Variants in SMARCA2 observed in about 807,000 individuals in gnomAD.
SMARCA2 encodes the protein SWI/SNF related BAF chromatin remodeling complex subunit ATPase 2, also known as SWI/SNF-related matrix-associated actin-dependent regulator of chromatin subfamily A member 2.
In SMARCA2, 61 loss-of-function variants were observed where a neutral mutation model predicts 199.8. The observed-to-expected ratio is 0.31, with a 90% confidence interval of 0.25 to 0.38. The LOEUF is 0.38. Among genes scored for constraint, SMARCA2 ranks in the 10% least tolerant of loss-of-function variants. The pLI is 1.00. For synonymous variants in SMARCA2, 935 were observed against 732.0 expected (o/e 1.28, Z -4.48); for missense variants, 1,344 against 2,012.2 (o/e 0.67, Z 6.35).
At chr9:2,164,011 C>T (rs1825817808) in intron 28 of SMARCA2, among the ~76,000 whole-genome samples, 1 of 152,134 alleles carries the variant, frequency 6.6e-6, no homozygotes, top group South Asian at 2.1e-4. Flanking sequence ...CTTTGCCCAG[C>T]TCTCCCTAAG....
chr9:2,159,266 G>T (rs990240446), intron 27 of SMARCA2, among the ~76,000 whole-genome samples: 1 of 152,118 alleles, frequency 6.6e-6, no homozygotes, highest in East Asian at 1.9e-4. Flanking sequence ...AAATTTTACA[G>T]CATGAAACTG....
At chr9:2,073,163 G>C (rs767567700) in intron 10 of SMARCA2, 49 bp from the exon 11 acceptor site, 2 of 1,609,968 alleles carry the variant, frequency 1.2e-6, no homozygotes, top group South Asian at 1.1e-5. Flanking sequence ...TACAGGACTG[G>C]GGGAAGGTCT....
intron 5 of SMARCA2, among the ~76,000 whole-genome samples, chr9:2,052,454 C>T (rs753970677): frequency 2.0e-5 from 3 of 152,066 alleles, no homozygotes; most frequent in Non-Finnish European, 4.4e-5. Flanking sequence ...CCAGCCTGGC[C>T]GACAGAGCGA....
chr9:2,180,535 G>T (rs1390742754), intron 29 of SMARCA2, among the ~76,000 whole-genome samples: 1 of 152,160 alleles, frequency 6.6e-6, no homozygotes, highest in African/African-American at 2.4e-5. Context: ...TTTTATGGCA[G>T]TGATTTATGA....
chr9:2,186,785 C>T (rs1045984150), intron 32 of SMARCA2, among the ~76,000 whole-genome samples: 1 of 152,262 alleles, frequency 6.6e-6, no homozygotes, highest in Non-Finnish European at 1.5e-5. Flanking sequence ...CTCGGCCTCC[C>T]AAAGTGCTGG....
chr9:2,152,560 T>C (rs1260227005), intron 27 of SMARCA2, among the ~76,000 whole-genome samples: 1 of 122,530 alleles, frequency 8.2e-6, no homozygotes, highest in Non-Finnish European at 1.8e-5. Flanking sequence ...CTCAAAAATT[T>C]AAAAAATAAG....
intron 9 of SMARCA2, among the ~76,000 whole-genome samples, chr9:2,069,880 C>G (rs967103414): frequency 3.9e-5 from 6 of 152,198 alleles, no homozygotes; most frequent in African/African-American, 1.4e-4. Context: ...TTGATCCTGT[C>G]ACCCAGGTGG....
intron 27 of SMARCA2, among the ~76,000 whole-genome samples, chr9:2,142,671 C>G (rs10757214): frequency 0.16 from 24,314 of 152,100 alleles, 2,246 homozygotes; most frequent in East Asian, 0.35. Flanking sequence ...TGTGTAGTTA[C>G]TAGTTAAAAT....
At chr9:2,184,353 C>CTT (rs1199876121) in intron 31 of SMARCA2, among the ~76,000 whole-genome samples, 12,444 of 129,364 alleles carry the variant, frequency 0.096, 955 homozygotes, top group African/African-American at 0.16. Context: ...AGGATAATAT[C>CTT]TTTTTTTTTT....
chr9:2,041,619 G>T (rs1819606171), intron 4 of SMARCA2: 2 of 387,546 alleles, frequency 5.2e-6, no homozygotes, highest in African/African-American at 2.1e-5. Flanking sequence ...GACCATGGCA[G>T]TGGGTTTTAA....
In SMARCA2 at chr9:2,123,523, A is replaced by G. The variant is rs7853210; in HGVS notation, c.3763-196A>G. On this transcript the variant is annotated intron_variant, in intron 26 of 33. Coordinates refer to ENST00000349721, the MANE Select transcript of SMARCA2 (RefSeq NM_003070.5). This position sits in a 1 kb window ranked among gnomAD's most constrained non-coding sequence, Gnocchi z 4.1. ...ATAAGTTTCAAAAGGTGGGTACAGAAAAAGGGAGGGGATTTTACTTAATGG... is the reference window on the plus strand; with the variant it reads ...ATAAGTTTCAAAAGGTGGGTACAGAGAAAGGGAGGGGATTTTACTTAATGG... Among the ~76,000 whole-genome samples the G allele has an allele frequency of 0.32, 48,857 of 151,756 alleles. 10,638 individuals are homozygous for G. Among genetic ancestry groups the G allele is most frequent in the African/African-American group, 0.62 (25,400 of 41,224 alleles).
Position 2,110,109 on chromosome 9 carries a change from C to T in SMARCA2, c.3293-145C>T. On this transcript the variant is annotated intron_variant, in intron 23 of 33. Coordinates refer to ENST00000349721, the MANE Select transcript of SMARCA2 (RefSeq NM_003070.5). The surrounding 1 kb of genome is among the most constrained non-coding windows in gnomAD (Gnocchi z 4.8). ...TGCAAAATGTTCAAAGTTTTTTATCCAGAAGTACAAAGCCCTGGAAATTAC... is the reference window on the plus strand; with the variant it reads ...TGCAAAATGTTCAAAGTTTTTTATCTAGAAGTACAAAGCCCTGGAAATTAC... 1 of 478,404 alleles carries T rather than the reference C, an allele frequency of 2.1e-6. No individual in the cohort carries two copies. The highest frequency in any genetic ancestry group is 3.5e-6 in the Non-Finnish European group (1 of 284,714). 29.6% of individuals were successfully genotyped at this position (478,404 alleles called of 1,614,324 possible).
chr9:2,091,358 G>C (rs1822053109), intron 19 of SMARCA2, among the ~76,000 whole-genome samples: 2 of 152,148 alleles, frequency 1.3e-5, no homozygotes, highest in Admixed American at 1.3e-4. Context: ...CGTATGAGTA[G>C]AATAAGACAA....
intron 9 of SMARCA2, among the ~76,000 whole-genome samples, chr9:2,067,293 T>C (rs1206507946): frequency 6.6e-6 from 1 of 152,262 alleles, no homozygotes; most frequent in Non-Finnish European, 1.5e-5. Context: ...TGTGCTTTCA[T>C]TCATTCCTTC....
intron 27 of SMARCA2, chr9:2,158,979 G>A: frequency 1.2e-6 from 2 of 1,612,166 alleles, no homozygotes; most frequent in Non-Finnish European, 1.7e-6. Flanking sequence ...GGGAATAATG[G>A]TCAGTACTTT....
intron 27 of SMARCA2, chr9:2,160,102 A>G (rs189303777): frequency 9.5e-5 from 64 of 674,958 alleles, no homozygotes; most frequent in Non-Finnish European, 1.3e-4. Context: ...AGCCTCCAAG[A>G]TATGCGGGAC....
chr9:2,189,604 T>TTAG (rs983088185), intron 32 of SMARCA2, among the ~76,000 whole-genome samples: 31 of 152,226 alleles, frequency 2.0e-4, no homozygotes, highest in African/African-American at 7.5e-4. Context: ...TCCGTTTTCA[T>TTAG]TAGTAGGTAG....
At chr9:2,149,263 A>G (rs1824929353) in intron 27 of SMARCA2, among the ~76,000 whole-genome samples, 1 of 151,402 alleles carries the variant, frequency 6.6e-6, no homozygotes, top group South Asian at 2.1e-4. Flanking sequence ...CACACCTGTA[A>G]TCCAAGCACT....
At chr9:2,168,812 C>G (rs79495845) in intron 28 of SMARCA2, among the ~76,000 whole-genome samples, 2 of 152,070 alleles carry the variant, frequency 1.3e-5, no homozygotes, top group Admixed American at 6.5e-5. Flanking sequence ...GACTCCTTAT[C>G]AGAATGATTT....
Sources: allele counts gnomAD v4.1 joint callset (sites outside exome capture counted in the v4.1 genomes callset), GRCh38; gene constraint gnomAD v4.1.1; non-coding constraint Gnocchi (gnomAD v3.1); transcripts MANE v1.5; gene names NCBI Gene and HGNC (gene_info 2026-07-23, HGNC 2026-07-21).